COMMD5: variants seen among roughly 807,000 people sequenced by gnomAD.
The protein encoded by COMMD5 is COMM domain-containing protein 5.
In COMMD5, 10 loss-of-function variants were observed where a neutral mutation model predicts 6.9. The observed-to-expected ratio is 1.44, with a 90% confidence interval of 0.89 to 2.45. The LOEUF (loss-of-function observed/expected upper bound fraction) is 2.45. Ranked by LOEUF, COMMD5 falls within the 30% of genes most tolerant of loss-of-function variation. The probability of loss-of-function intolerance (pLI) is 0.00; values close to 1 mark genes in which losing one functional copy is unlikely to be tolerated. For synonymous variants in COMMD5, 127 were observed against 125.3 expected, an observed-to-expected ratio of 1.01 and a Z score of -0.09; for missense variants, 234 against 287.8, an observed-to-expected ratio of 0.81 and a Z score of 1.35.
At chr8:144,843,170 C>A in intron 1 of COMMD5, 1 of 1,567,802 alleles carries the variant, frequency 6.4e-7, no homozygotes, top group Admixed American at 2.0e-5. Flanking sequence ...ATGGGATAGA[C>A]CACTTACATA....
At chr8:144,852,423 G>A (rs1830787967) in intron 1 of COMMD5, 2 of 152,334 alleles carry the variant, frequency 1.3e-5, no homozygotes, top group African/African-American at 4.8e-5. Context: ...TATGCCAGAG[G>A]AAACGCACGT....
chr8:144,842,622 C>T (rs2130719963), intron 1 of COMMD5: 1 of 1,614,190 alleles, frequency 6.2e-7, no homozygotes, highest in Non-Finnish European at 8.5e-7. Context: ...GTGGAAAAGC[C>T]TTCAGTCAGA....
At chr8:144,848,552 T>C (rs1308991085), downstream of COMMD5, among the ~76,000 whole-genome samples, 1 of 152,056 alleles carries the variant, frequency 6.6e-6, no homozygotes, top group Non-Finnish European at 1.5e-5. Flanking sequence ...GTTTACGTAT[T>C]GTGTGACTGC....
chr8:144,843,104 A>G (rs757818311), intron 1 of COMMD5: 14 of 1,612,268 alleles, frequency 8.7e-6, no homozygotes, highest in Non-Finnish European at 1.2e-5. Context: ...AAATGCAATG[A>G]CTGTGGCAAA....
chr8:144,840,353 C>A (rs911602654), downstream of COMMD5, among the ~76,000 whole-genome samples: 1 of 152,228 alleles, frequency 6.6e-6, no homozygotes, highest in Admixed American at 6.5e-5. Context: ...CGGAGACTCA[C>A]CACCAATGGT....
In COMMD5 at chr8:144,851,260, C is replaced by T. The variant is rs1350783225; in HGVS notation, c.79G>A (p.Ala27Thr). 9 of 1,613,934 alleles carry T rather than the reference C, an allele frequency of 5.6e-6. No individual in the cohort carries two copies. The South Asian group carries it at 6.6e-5, about 12-fold the overall frequency. The change falls in exon 2 of 2, where the codon GCC becomes ACC. Residue 27 changes from alanine to threonine, a missense_variant. Physicochemically the swap from Ala to Thr is moderately conservative, Grantham distance 58. Coordinates refer to ENST00000305103, the MANE Select transcript of COMMD5 (RefSeq NM_014066.4). ...GCTGCCACCTCTGGAGGAAGCTGGG[C>T]CCCCAAGAAACTCACTCGGCCACTG... ...SHSGRVSFLG[A>T]QLPPEVAAMA...
chr8:144,851,295 C>T lies in COMMD5; in HGVS notation c.44G>A (p.Gly15Asp), dbSNP rs200875678. ...ACTCACTCGGCCACTGTGACTATCA[C>T]CAGGATGATGCAGGTATGGAGTTGC... The part of the protein sequence containing the change: ...GAATPYLHHP[G>D]DSHSGRVSFL... The change falls in exon 2 of 2, where the codon GGT (glycine) becomes GAT (aspartate). Residue 15 changes from glycine to aspartate, a missense_variant. Physicochemically the swap from Gly to Asp is moderately conservative, Grantham distance 94. Coordinates refer to ENST00000305103, the MANE Select transcript of COMMD5 (RefSeq NM_014066.4). The T allele has an allele frequency of 1.2e-5, 20 of 1,613,840 alleles. No homozygotes were observed. In the East Asian group the frequency reaches 4.5e-4, roughly 36 times the overall value.
exon 2 of COMMD5, chr8:144,841,348 A>G: frequency 6.3e-7 from 1 of 1,595,436 alleles, no homozygotes. Context: ...GTTCCTGTTT[A>G]TTTCAGATTC....
chr8:144,839,523 A>G (rs2130664643), downstream of COMMD5, among the ~76,000 whole-genome samples: 1 of 152,372 alleles, frequency 6.6e-6, no homozygotes, highest in Non-Finnish European at 1.5e-5. Context: ...AGCCAGCTAC[A>G]GTTGGCAGAA....
At position 144,850,499 on chromosome 8, in the gene COMMD5, CTCT is replaced by C; in HGVS notation, c.*162_*164del. 1.3e-6 allele frequency: 1 copy of C among 786,234 alleles called. No homozygotes were observed. The highest frequency in any genetic ancestry group is 2.0e-6 in the Non-Finnish European group (1 of 511,084). The allele number at this position is 786,234 out of a possible 1,614,324, so 48.7% of individuals were successfully genotyped here. The stretch of plus-strand genomic sequence containing the variant: ...TCCAAAAAGAAAAAAAGGCATAGCT[CTCT>C]TTTTCAATTAAACAGAAAACTACAT... On this transcript the variant is annotated 3_prime_UTR_variant, in exon 2 of 2. Coordinates refer to ENST00000305103, the MANE Select transcript of COMMD5 (RefSeq NM_014066.4). The surrounding 1 kb of genome is among the most constrained non-coding windows in gnomAD (Gnocchi z 4.0).
At chr8:144,849,261 G>A (rs538745553), downstream of COMMD5, among the ~76,000 whole-genome samples, 5 of 152,272 alleles carry the variant, frequency 3.3e-5, no homozygotes, top group African/African-American at 7.2e-5. Flanking sequence ...CAGTGCCTTC[G>A]GGGAGAGAGA....
chr8:144,842,113 TGTC>T, intron 1 of COMMD5: 1 of 1,614,118 alleles, frequency 6.2e-7, no homozygotes, highest in Non-Finnish European at 8.5e-7. Flanking sequence ...GCCCTATGGT[TGTC>T]GTGAGTGTGG....
At chr8:144,841,220 C>G in exon 2 of COMMD5, 1 of 860,164 alleles carries the variant, frequency 1.2e-6, no homozygotes, top group Non-Finnish European at 1.8e-6. Context: ...CCTTCTCTTG[C>G]ACGTTTCCAC....
chr8:144,849,680 G>C (rs1294738770), downstream of COMMD5, among the ~76,000 whole-genome samples: 1 of 152,104 alleles, frequency 6.6e-6, no homozygotes, highest in Non-Finnish European at 1.5e-5. Flanking sequence ...GCTGGAAGCT[G>C]CAAAGCTGGC....
At chr8:144,843,623 C>T (rs988268423) in intron 1 of COMMD5, 1 of 147,684 alleles carries the variant, frequency 6.8e-6, no homozygotes, top group Non-Finnish European at 1.5e-5. Context: ...CAACTTCATA[C>T]AAAATGTATG....
At chr8:144,842,802 CTCAACCCTT>C in intron 1 of COMMD5, 2 of 1,614,214 alleles carry the variant, frequency 1.2e-6, no homozygotes, top group Non-Finnish European at 1.7e-6. Flanking sequence ...TCAGTCAAAA[CTCAACCCTT>C]TTCCAACACC....
chr8:144,847,820 T>G (rs1159194826), downstream of COMMD5, among the ~76,000 whole-genome samples: 1 of 152,110 alleles, frequency 6.6e-6, no homozygotes, highest in East Asian at 1.9e-4. Flanking sequence ...GGGAGTAATT[T>G]CCCAGATGCA....
At position 144,850,746 on chromosome 8, in the gene COMMD5, T is replaced by C. The variant is rs557121278; in HGVS notation, c.593A>G (p.Gln198Arg). The C allele has an allele frequency of 1.9e-6, 3 of 1,614,186 alleles. No homozygotes were observed. In the South Asian group the frequency reaches 3.3e-5, roughly 18 times the overall value. The change falls in exon 2 of 2, where the codon CAG becomes CGG. Residue 198 changes from glutamine (Q) to arginine (R), a missense_variant. Coordinates refer to ENST00000305103, the MANE Select transcript of COMMD5 (RefSeq NM_014066.4). The surrounding 1 kb of genome is among the most constrained non-coding windows in gnomAD (Gnocchi z 4.0). ...CAGGGCCACGCTGTACCGCAGCTCC[T>C]GGAACTTGGCTGTGGGGACCTCAAA... ...YRFEVPTAKF[Q>R]ELRYSVALVL... is the part of the protein sequence containing the mutation.
chr8:144,845,891 G>A (rs1830485540), downstream of COMMD5: 1 of 1,350,104 alleles, frequency 7.4e-7, no homozygotes, highest in Admixed American at 2.2e-5. Context: ...CGTGGCTGCT[G>A]AGAAGGGTCT....
Sources: gnomAD v4.1 joint callset for allele counts (sites outside exome capture counted in the v4.1 genomes callset) on GRCh38, gnomAD v4.1.1 for gene constraint, Gnocchi (gnomAD v3.1) non-coding constraint, MANE v1.5 for transcripts, NCBI Gene and HGNC (gene_info 2026-07-23, HGNC 2026-07-21) for gene names.